The following PLCXD3 variants were observed in gnomAD, a reference collection of about 807,000 sequenced individuals.
PLCXD3 encodes the protein PI-PLC X domain-containing protein 3.
Under a neutral mutation model 25.5 loss-of-function variants are expected in PLCXD3, and 19 were observed. The ratio of observed to expected loss-of-function variants is 0.75; its 90% CI spans 0.52 to 1.09. The LOEUF is 1.09. Among genes scored for constraint, PLCXD3 ranks in the 50% least tolerant of loss-of-function variants. The pLI, the probability that PLCXD3 is intolerant of heterozygous loss-of-function variation, is 0.00. For synonymous variants in PLCXD3, 174 were observed against 137.6 expected, an observed-to-expected ratio of 1.26 and a Z score of -1.85; for missense variants, 411 against 388.1, an observed-to-expected ratio of 1.06 and a Z score of -0.50.
chr5:41,462,300 G>A (rs73079770), intron 1 of PLCXD3, among the ~76,000 whole-genome samples: 1,697 of 152,060 alleles, frequency 0.011, 27 homozygotes, highest in African/African-American at 0.038. Flanking sequence ...GTGAGCTAAC[G>A]AAAGGTCAGA....
chr5:41,386,090 G>A (rs1356324685), intron 1 of PLCXD3, among the ~76,000 whole-genome samples: 1 of 152,102 alleles, frequency 6.6e-6, no homozygotes, highest in African/African-American at 2.4e-5. Flanking sequence ...ACAGGCCATA[G>A]CATCTCTTTG....
Position 41,308,564 on chromosome 5 carries a change from T to C in PLCXD3, c.*5053A>G, listed in dbSNP as rs1415635177. ...GAGTTTTCTATTGCTAGACTAATTC[T>C]ACACGTGGGGCAGACCAGAAAAGTG... is the stretch of plus-strand genomic sequence containing the variant. On this transcript the variant is annotated 3_prime_UTR_variant, in exon 3 of 3. Coordinates refer to ENST00000377801, the MANE Select transcript of PLCXD3 (RefSeq NM_001005473.3). 6.6e-6 allele frequency: 1 copy of C among 152,140 alleles called. No individual in the cohort carries two copies. Among genetic ancestry groups the C allele is most frequent in the Non-Finnish European group, 1.5e-5 (1 of 68,008 alleles). 9.4% of individuals were successfully genotyped at this position (152,140 alleles called of 1,614,324 possible).
intron 1 of PLCXD3, among the ~76,000 whole-genome samples, chr5:41,470,056 T>C (rs979632724): frequency 2.0e-5 from 3 of 152,200 alleles, no homozygotes; most frequent in African/African-American, 7.2e-5. Flanking sequence ...CCAGCAGCTC[T>C]GTCCAGTGAT....
At position 41,307,168 on chromosome 5, in the gene PLCXD3, G is replaced by A. The variant is rs935911128; in HGVS notation, c.*6449C>T. The A allele has an allele frequency of 2.6e-5, 4 of 152,568 alleles. No individual in the cohort carries two copies. The highest frequency in any genetic ancestry group is 9.7e-5 in the African/African-American group (4 of 41,440). The allele number at this position is 152,568 out of a possible 1,614,324, so 9.5% of individuals were successfully genotyped here. On this transcript the variant is annotated 3_prime_UTR_variant, in exon 3 of 3. Transcript: ENST00000377801. ...CTCTGGTGAATTTCTGGTGTCTAAT[G>A]AAGGAAATGTCACCAGCTCTGCAAA...
intron 1 of PLCXD3, among the ~76,000 whole-genome samples, chr5:41,412,723 A>C (rs1175054140): frequency 6.6e-6 from 1 of 152,186 alleles, no homozygotes; most frequent in Non-Finnish European, 1.5e-5. Context: ...TCTACTTCTT[A>C]TCTGTAGTCA....
At chr5:41,316,673 G>T (rs1743304978) in intron 2 of PLCXD3, among the ~76,000 whole-genome samples, 2 of 152,160 alleles carry the variant, frequency 1.3e-5, no homozygotes, top group Admixed American at 1.3e-4. Flanking sequence ...ACCAGAAGCA[G>T]ACTTAAGAGA....
intron 1 of PLCXD3, among the ~76,000 whole-genome samples, chr5:41,392,249 G>A (rs1397055241): frequency 6.6e-6 from 1 of 152,130 alleles, no homozygotes; most frequent in Non-Finnish European, 1.5e-5. Flanking sequence ...CTGACTTCAG[G>A]TCTGACCTAG....
At chr5:41,490,059 T>C (rs796708915) in intron 1 of PLCXD3, among the ~76,000 whole-genome samples, 1 of 151,720 alleles carries the variant, frequency 6.6e-6, no homozygotes, top group African/African-American at 2.4e-5. Flanking sequence ...CAGTATGATA[T>C]TGGCTGTGGG....
At chr5:41,422,386 C>G (rs556638323) in intron 1 of PLCXD3, among the ~76,000 whole-genome samples, 39 of 152,308 alleles carry the variant, frequency 2.6e-4, no homozygotes, top group African/African-American at 8.7e-4. Context: ...TTACAAGGCT[C>G]TGTAGCCTTG....
chr5:41,361,966 C>T (rs972117659), intron 2 of PLCXD3, among the ~76,000 whole-genome samples: 19 of 152,130 alleles, frequency 1.2e-4, no homozygotes, highest in Admixed American at 5.2e-4. Flanking sequence ...TAGACCACCA[C>T]GCTTACTTTC....
chr5:41,469,498 C>CTT (rs35338656), intron 1 of PLCXD3, among the ~76,000 whole-genome samples: 1,533 of 146,492 alleles, frequency 0.01, 21 homozygotes, highest in African/African-American at 0.034. Context: ...TTGTGAGCTG[C>CTT]TTTTTTTTTT....
intron 2 of PLCXD3, among the ~76,000 whole-genome samples, chr5:41,360,599 G>T (rs1580323835): frequency 6.6e-6 from 1 of 152,178 alleles, no homozygotes; most frequent in East Asian, 1.9e-4. Context: ...GGCTTCCTGA[G>T]AGCCAAAATG....
In PLCXD3 at chr5:41,307,876, G is replaced by A. The variant is rs1213242619; in HGVS notation, c.*5741C>T. On this transcript the variant is annotated 3_prime_UTR_variant, in exon 3 of 3. Coordinates refer to ENST00000377801, the MANE Select transcript of PLCXD3 (RefSeq NM_001005473.3). ...TAGGCGGTGTTGCCACTTTTCAGGAGCATTTCTAATATGTCGGTGTGTTTT... is the reference window on the plus strand; with the variant it reads ...TAGGCGGTGTTGCCACTTTTCAGGAACATTTCTAATATGTCGGTGTGTTTT... The A allele has an allele frequency of 6.6e-6, 1 of 152,124 alleles. No homozygotes were observed. The highest frequency in any genetic ancestry group is 1.5e-5 in the Non-Finnish European group (1 of 68,008). The allele number at this position is 152,124 out of a possible 1,614,324, so 9.4% of individuals were successfully genotyped here.
Position 41,455,676 on chromosome 5 carries a change from G to C in PLCXD3, c.103+54748C>G, listed in dbSNP as rs73750177. ...TCAGAAAATAAAACTAAACATGAAA[G>C]GGCAATCCTACCATGTGAGAGCCAA... On this transcript the variant is annotated intron_variant, in intron 1 of 2. Transcript: ENST00000377801. Among the ~76,000 whole-genome samples, 1,200 of 152,030 alleles carry C rather than the reference G, an allele frequency of 7.9e-3. 15 individuals carry two copies. Among genetic ancestry groups the C allele is most frequent in the African/African-American group, 0.028 (1,143 of 41,510 alleles).
intron 1 of PLCXD3, among the ~76,000 whole-genome samples, chr5:41,450,176 T>G (rs750193938): frequency 1.9e-4 from 29 of 152,080 alleles, no homozygotes; most frequent in Non-Finnish European, 3.5e-4. Context: ...CTGGTGAAAG[T>G]AAGAAGGAAG....
At position 41,437,998 on chromosome 5, in the gene PLCXD3, T is replaced by C. The variant is rs112825503; in HGVS notation, c.104-55464A>G. Among the ~76,000 whole-genome samples the C allele has an allele frequency of 9.2e-5, 14 of 152,310 alleles. 3 individuals carry two copies. The highest frequency in any genetic ancestry group is 3.4e-4 in the African/African-American group (14 of 41,576). On this transcript the variant is annotated intron_variant, in intron 1 of 2. Transcript: ENST00000377801. ...TGGAGCCATGTGTAATGCTTATCAT[T>C]GGAATATGACAAAAGTAATGCCTGC...
At chr5:41,453,606 T>G (rs1441439337) in intron 1 of PLCXD3, among the ~76,000 whole-genome samples, 3 of 152,052 alleles carry the variant, frequency 2.0e-5, no homozygotes, top group East Asian at 3.9e-4. Flanking sequence ...ATAAGTGTTT[T>G]ACAAAGTTGT....
At chr5:41,358,092 T>C (rs759005278) in intron 2 of PLCXD3, among the ~76,000 whole-genome samples, 9 of 152,226 alleles carry the variant, frequency 5.9e-5, no homozygotes, top group Non-Finnish European at 8.8e-5. Context: ...TCACTCGCTA[T>C]GTACCAGACA....
At chr5:41,404,569 G>A (rs976886295) in intron 1 of PLCXD3, among the ~76,000 whole-genome samples, 1 of 152,026 alleles carries the variant, frequency 6.6e-6, no homozygotes, top group Non-Finnish European at 1.5e-5. Context: ...TTATAAATAT[G>A]GAACAATAAA....
Sources: gnomAD v4.1 joint callset for allele counts (sites outside exome capture counted in the v4.1 genomes callset) on GRCh38, gnomAD v4.1.1 for gene constraint, MANE v1.5 for transcripts, NCBI Gene and HGNC (gene_info 2026-07-23, HGNC 2026-07-21) for gene names.